Variants in PTPRH observed in about 807,000 individuals in gnomAD.
The protein encoded by PTPRH is receptor-type tyrosine-protein phosphatase H.
In PTPRH, 113 loss-of-function variants were observed where a neutral mutation model predicts 130.2. The ratio of observed to expected loss-of-function variants is 0.87; its 90% CI spans 0.75 to 1.01. PTPRH has a LOEUF of 1.01. PTPRH is among the 50% of genes least tolerant of loss of function. The probability of loss-of-function intolerance (pLI) is 0.00; values close to 1 mark genes in which losing one functional copy is unlikely to be tolerated. For synonymous variants in PTPRH, 556 were observed against 577.9 expected, an observed-to-expected ratio of 0.96 and a Z score of 0.54; for missense variants, 1,430 against 1,425.0, an observed-to-expected ratio of 1.00 and a Z score of -0.06.
intron 7 of PTPRH, among the ~76,000 whole-genome samples, chr19:55,199,258 G>A (rs934266676): frequency 2.0e-5 from 3 of 152,188 alleles, no homozygotes; most frequent in Non-Finnish European, 4.4e-5. Context: ...AGTGAGCTAT[G>A]ATTGTGCCTC....
At chr19:55,201,283 C>T (rs949038025) in intron 6 of PTPRH, among the ~76,000 whole-genome samples, 6 of 151,854 alleles carry the variant, frequency 4.0e-5, no homozygotes, top group African/African-American at 1.5e-4. Context: ...AGGCTGAGGT[C>T]GGCGGATTGC....
chr19:55,203,672 C>T, intron 5 of PTPRH, 110 bp downstream of exon 5: 1 of 1,291,570 alleles, frequency 7.7e-7, no homozygotes. Flanking sequence ...CTGTGGCTTC[C>T]ACTGTGTTTC....
Position 55,181,859 on chromosome 19 carries a change from T to G in PTPRH, c.3243A>C (p.Gln1081His). The G allele has an allele frequency of 6.2e-7, 1 of 1,614,116 alleles. No individual in the cohort carries two copies. The highest frequency in any genetic ancestry group is 1.1e-5 in the South Asian group (1 of 91,078). Residue 1081 changes from glutamine to histidine, a missense_variant, in exon 20 of 20, where the codon CAA becomes CAC. Coordinates refer to ENST00000376350, the MANE Select transcript of PTPRH (RefSeq NM_002842.5). ...FLHQCILRFLQQSAQAPAEKE... is the reference protein window; with the variant it reads ...FLHQCILRFLHQSAQAPAEKE... ...TCTCGGCTGGGGCCTGGGCTGACTG[T>G]TGGAGGAACCGCAGGATGCACTGAT...
chr19:55,191,383 C>T, intron 12 of PTPRH, 118 bp downstream of exon 12: 1 of 1,239,612 alleles, frequency 8.1e-7, no homozygotes, highest in Non-Finnish European at 1.2e-6. Flanking sequence ...GCATGGGCCC[C>T]TTCTGAGACC....
chr19:55,182,460 T>C (rs2086205935), intron 18 of PTPRH, among the ~76,000 whole-genome samples: 2 of 151,914 alleles, frequency 1.3e-5, no homozygotes, highest in African/African-American at 2.4e-5. Flanking sequence ...GAGGTGGAGG[T>C]TGCAGTGAGC....
chr19:55,188,675 A>T (rs532082970), intron 12 of PTPRH, among the ~76,000 whole-genome samples: 2 of 152,250 alleles, frequency 1.3e-5, no homozygotes, highest in East Asian at 1.9e-4. Flanking sequence ...CTTTCTCCAA[A>T]ATCGTCGTGG....
intron 10 of PTPRH, among the ~76,000 whole-genome samples, chr19:55,195,953 G>T (rs571465808): frequency 6.6e-6 from 1 of 152,228 alleles, no homozygotes; most frequent in Non-Finnish European, 1.5e-5. Flanking sequence ...AGGGCTGGGG[G>T]CTGGGGAATG....
In PTPRH at chr19:55,207,183, G is replaced by T. The variant is rs757656873; in HGVS notation, c.68C>A (p.Thr23Lys). ...TCACTCACCAGGCGCCCTGGCCCCT[G>T]TCCAGCTGCACAGGCCCTGGAGGGA... ...NLVLLGLCSW[T>K]GARAPAPNPG... Residue 23 changes from threonine to lysine, a missense_variant, in exon 2 of 20, where the codon ACA becomes AAA. Physicochemically the swap from Thr to Lys is moderately conservative, Grantham distance 78. Transcript: ENST00000376350. 1.2e-6 allele frequency: 2 copies of T among 1,613,494 alleles called. No individual in the cohort carries two copies. Among genetic ancestry groups the T allele is most frequent in the South Asian group, 1.1e-5 (1 of 91,002 alleles).
At chr19:55,191,372 G>C in intron 12 of PTPRH, 129 bp downstream of exon 12, 1 of 1,093,638 alleles carries the variant, frequency 9.1e-7, no homozygotes, top group Non-Finnish European at 1.4e-6. Flanking sequence ...CTGTCGCAGA[G>C]GCATGGGCCC....
At chr19:55,196,964 CA>C (rs2086702448) in intron 9 of PTPRH, among the ~76,000 whole-genome samples, 152 bp downstream of exon 9, 3 of 152,314 alleles carry the variant, frequency 2.0e-5, no homozygotes, top group Non-Finnish European at 4.4e-5. Flanking sequence ...TTTTAAACTA[CA>C]ACTCCCATGA....
chr19:55,197,533 A>C, intron 8 of PTPRH, 117 bp from the exon 9 acceptor site: 1 of 972,122 alleles, frequency 1.0e-6, no homozygotes, highest in Non-Finnish European at 1.5e-6. Context: ...TCCAGTGGCT[A>C]AGGAGGCTGA....
Position 55,200,344 on chromosome 19 carries a change from T to C in PTPRH, c.1312A>G (p.Thr438Ala), listed in dbSNP as rs766363542. 1 of 1,614,096 alleles carries C rather than the reference T, an allele frequency of 6.2e-7. No individual in the cohort carries two copies. Among genetic ancestry groups the C allele is most frequent in the South Asian group, 1.1e-5 (1 of 91,062 alleles). ...GGTETRNTTN[T>A]SVTAERLEPG... is the part of the protein sequence containing the mutation. The stretch of plus-strand genomic sequence containing the variant: ...TCAAGTCTCTCAGCTGTCACACTGG[T>C]ATTTGTTGTGTTTCGGGTCTCTGTG... Residue 438 changes from threonine to alanine, a missense_variant, in exon 7 of 20, where the codon ACC becomes GCC. Transcript: ENST00000376350.
chr19:55,207,171 G>A lies in PTPRH; in HGVS notation c.80C>T (p.Ala27Val), dbSNP rs371476876. 95 of 1,613,192 alleles carry A rather than the reference G, an allele frequency of 5.9e-5. No homozygotes were observed. Among genetic ancestry groups the A allele is most frequent in the Middle Eastern group, 3.3e-4 (2 of 6,082 alleles). The change falls in exon 2 of 20, where the codon GCG (alanine) becomes GTG (valine). Residue 27 changes from alanine (A) to valine (V), a missense_variant. Ala to Val is a moderately conservative substitution (Grantham distance 64, BLOSUM62 0). Transcript: ENST00000376350. ...TTCAGGCAGGGGTCACTCACCAGGCGCCCTGGCCCCTGTCCAGCTGCACAG... is the reference window on the plus strand; with the variant it reads ...TTCAGGCAGGGGTCACTCACCAGGCACCCTGGCCCCTGTCCAGCTGCACAG... ...LGLCSWTGAR[A>V]PAPNPGRNLT...
In PTPRH at chr19:55,196,728, A is replaced by C. The variant is rs757127897; in HGVS notation, c.2051T>G (p.Leu684Trp). 1 of 1,614,018 alleles carries C rather than the reference A, an allele frequency of 6.2e-7. No individual in the cohort carries two copies. Among genetic ancestry groups the C allele is most frequent in the African/African-American group, 1.3e-5 (1 of 74,902 alleles). The part of the protein sequence containing the change: ...VSTSAGYGVN[L>W]IWSCPQGGYE... The stretch of plus-strand genomic sequence containing the variant: ...GCCTCCCTGGGGGCAGGACCAGATC[A>C]AGTTGACTCCATAGCCCGCTGAGGT... Residue 684 changes from leucine to tryptophan, a missense_variant, in exon 10 of 20, where the codon TTG becomes TGG. Coordinates refer to ENST00000376350, the MANE Select transcript of PTPRH (RefSeq NM_002842.5).
Position 55,198,913 on chromosome 19 carries a change from C to T in PTPRH, c.1421-1G>A, listed in dbSNP as rs766857341. 98 of 1,508,142 alleles carry T rather than the reference C, an allele frequency of 6.5e-5. No homozygotes were observed. The highest frequency in any genetic ancestry group is 8.3e-5 in the Non-Finnish European group (93 of 1,125,626). 93.4% of individuals were successfully genotyped at this position (1,508,142 alleles called of 1,614,324 possible). A position where few individuals can be genotyped will look rare whatever the true frequency, so the allele number is the denominator to read the frequency against. On this transcript the variant is annotated splice_acceptor_variant, in intron 7 of 19. Coordinates refer to ENST00000376350, the MANE Select transcript of PTPRH (RefSeq NM_002842.5). LOFTEE classifies it high-confidence loss of function. ...CTGAGGCTTGTCACTGCGTTGGGGA[C>T]TGGGAGAGGGAGCAGAGTCAGGATT... is the stretch of plus-strand genomic sequence containing the variant.
rs533244805 is a variant in PTPRH, at chr19:55,200,340, C to T, written c.1316G>A (p.Ser439Asn). ...GGGCTCAAGTCTCTCAGCTGTCACACTGGTATTTGTTGTGTTTCGGGTCTC... is the reference window on the plus strand; with the variant it reads ...GGGCTCAAGTCTCTCAGCTGTCACATTGGTATTTGTTGTGTTTCGGGTCTC... The part of the protein sequence containing the change: ...GTETRNTTNT[S>N]VTAERLEPGT... Residue 439 changes from serine (S) to asparagine (N), a missense_variant, in exon 7 of 20, where the codon AGT becomes AAT. By Grantham distance (46) the Ser-to-Asn change is conservative (BLOSUM62 1). Transcript: ENST00000376350. 1.3e-5 allele frequency: 21 copies of T among 1,614,180 alleles called. No individual in the cohort carries two copies. The highest frequency in any genetic ancestry group is 9.3e-5 in the African/African-American group (7 of 75,030).
At chr19:55,195,005 T>C (rs1043972379) in intron 10 of PTPRH, among the ~76,000 whole-genome samples, 3 of 152,200 alleles carry the variant, frequency 2.0e-5, no homozygotes, top group South Asian at 2.1e-4. Flanking sequence ...CTGTCCAACA[T>C]GGCAAAACCC....
At chr19:55,193,735 G>A (rs1406239591) in intron 10 of PTPRH, among the ~76,000 whole-genome samples, 1 of 152,164 alleles carries the variant, frequency 6.6e-6, no homozygotes, top group Non-Finnish European at 1.5e-5. Flanking sequence ...TCCCTGGCAT[G>A]GACGGCTTCT....
rs557202097 is a variant in PTPRH, at chr19:55,191,881, C to A, written c.2258-140G>T. The A allele has an allele frequency of 7.6e-6, 6 of 790,006 alleles. No individual in the cohort carries two copies. In the Admixed American group the frequency reaches 9.4e-5, roughly 12 times the overall value. 48.9% of individuals were successfully genotyped at this position (790,006 alleles called of 1,614,324 possible). On this transcript the variant is annotated intron_variant, in intron 10 of 19. Transcript: ENST00000376350. ...CCCGAACATCACACGGTGTGAATTG[C>A]GTCGGTCCAGTTATACTTACGCGCT...
Sources: gnomAD v4.1 joint callset for allele counts (sites outside exome capture counted in the v4.1 genomes callset) on GRCh38, gnomAD v4.1.1 for gene constraint, MANE v1.5 for transcripts, NCBI Gene and HGNC (gene_info 2026-07-23, HGNC 2026-07-21) for gene names.